Variants in WDPCP observed in about 807,000 individuals in gnomAD.
The protein encoded by WDPCP is WD repeat containing planar cell polarity effector, also known as WD repeat-containing and planar cell polarity effector protein fritz homolog.
A neutral mutation model predicts 93.1 loss-of-function variants in WDPCP; 71 were observed. That is an observed-to-expected ratio of 0.76 (90% CI 0.63 to 0.93). The LOEUF (loss-of-function observed/expected upper bound fraction) is 0.93, where lower values mean the gene tolerates loss of function less well. WDPCP is among the 40% of genes least tolerant of loss of function. The pLI, the probability that WDPCP is intolerant of heterozygous loss-of-function variation, is 0.00. For missense variants in WDPCP, 844 were observed against 887.4 expected (o/e 0.95, Z 0.62); for synonymous variants, 315 against 315.0 (o/e 1.00, Z 0.00).
chr2:63,487,542 A>G, intron 2 of WDPCP, 48 bp from the exon 3 acceptor site: 1 of 1,409,388 alleles, frequency 7.1e-7, no homozygotes, highest in East Asian at 2.3e-5. Context: ...AAAGTCCCAG[A>G]GAATAAGAAG....
At chr2:63,459,168 T>C (rs148529488) in intron 6 of WDPCP, among the ~76,000 whole-genome samples, 263 of 152,280 alleles carry the variant, frequency 1.7e-3, no homozygotes, top group Middle Eastern at 6.8e-3. Context: ...AAAGATTTTA[T>C]GGCTAAGACC....
chr2:63,365,485 C>T (rs1690830468), intron 12 of WDPCP, among the ~76,000 whole-genome samples: 1 of 152,090 alleles, frequency 6.6e-6, no homozygotes, highest in African/African-American at 2.4e-5. Context: ...AAAGTGAGAA[C>T]TACAAAAAAA....
chr2:63,192,762 T>C (rs1035272892), intron 14 of WDPCP, among the ~76,000 whole-genome samples: 4 of 152,260 alleles, frequency 2.6e-5, no homozygotes, highest in African/African-American at 9.6e-5. Flanking sequence ...ACTGTTTCTC[T>C]GGTGATCTTA....
At chr2:63,190,131 T>C (rs974995001) in intron 14 of WDPCP, among the ~76,000 whole-genome samples, 2 of 151,782 alleles carry the variant, frequency 1.3e-5, no homozygotes, top group African/African-American at 4.8e-5. Context: ...AGTGACAACA[T>C]AGAAGTAGAG....
chr2:63,380,204 C>T (rs983154464), intron 11 of WDPCP, among the ~76,000 whole-genome samples: 4 of 151,678 alleles, frequency 2.6e-5, no homozygotes, highest in African/African-American at 9.7e-5. Context: ...CATAAGCATT[C>T]TTTAGGGACC....
At chr2:63,308,708 ACAGGGAGG>A (rs1451388856) in intron 13 of WDPCP, among the ~76,000 whole-genome samples, 3 of 152,154 alleles carry the variant, frequency 2.0e-5, no homozygotes, top group Non-Finnish European at 4.4e-5. Flanking sequence ...ACACATGGAC[ACAGGGAGG>A]GGAACATCAC....
chr2:63,366,007 G>A (rs1690873440), intron 12 of WDPCP, among the ~76,000 whole-genome samples: 1 of 152,120 alleles, frequency 6.6e-6, no homozygotes, highest in South Asian at 2.1e-4. Flanking sequence ...ACTGAGACTT[G>A]ACTTGTCTAC....
chr2:63,484,979 A>G lies in WDPCP; in HGVS notation c.262T>C (p.Tyr88His). Residue 88 changes from tyrosine to histidine, a missense_variant, in exon 5 of 18, where the codon TAT becomes CAT. Coordinates refer to ENST00000272321, the MANE Select transcript of WDPCP (RefSeq NM_015910.7). The stretch of plus-strand genomic sequence containing the variant: ...CGTCTGTTTTTGAGCGTCCAAGGAT[A>G]ATCTCGTGCTGGCAAATAAAACATG... ...KKQKLAESRD[Y>H]PWTLKNRRPE... The G allele has an allele frequency of 3.1e-6, 5 of 1,612,562 alleles. No individual in the cohort carries two copies. The highest frequency in any genetic ancestry group is 1.3e-5 in the African/African-American group (1 of 74,962).
At position 63,628,370 on chromosome 2, in the gene WDPCP, C is replaced by CT. The variant is rs1247429120; in HGVS notation, n.488+22288dup. On this transcript the variant is annotated intron_variant and non_coding_transcript_variant, in intron 3 of 4. Coordinates refer to the WDPCP transcript ENST00000467687. ...CTCAGTGAGAGAGAATAGATATCAT[C>CT]TTTTTTGTATAATATCAAATATAAT... 2.6e-5 allele frequency among the ~76,000 whole-genome samples: 4 copies of CT among 152,168 alleles called. No homozygotes were observed. In the East Asian group the frequency reaches 5.8e-4, roughly 22 times the overall value.
At chr2:63,794,911 G>C (rs894081439) in intron 2 of WDPCP, among the ~76,000 whole-genome samples, 6 of 152,244 alleles carry the variant, frequency 3.9e-5, no homozygotes, top group African/African-American at 1.4e-4. Context: ...TTTATTCATA[G>C]CTTCTCCCAC....
At chr2:63,575,388 C>G (rs554059058) in intron 1 of WDPCP, among the ~76,000 whole-genome samples, 4 of 110,354 alleles carry the variant, frequency 3.6e-5, no homozygotes, top group Non-Finnish European at 3.7e-5. Flanking sequence ...AGTATATACA[C>G]GGTATATACA....
At chr2:63,469,259 T>G (rs983165205) in intron 6 of WDPCP, among the ~76,000 whole-genome samples, 1 of 152,216 alleles carries the variant, frequency 6.6e-6, no homozygotes, top group African/African-American at 2.4e-5. Context: ...GGGTGTAAAT[T>G]AGTTCAACCA....
intron 12 of WDPCP, among the ~76,000 whole-genome samples, chr2:63,316,929 T>G (rs1360109146): frequency 2.0e-5 from 3 of 152,050 alleles, no homozygotes; most frequent in African/African-American, 7.2e-5. Context: ...AAATCAAGAA[T>G]GCAATTCCAT....
intron 17 of WDPCP, among the ~76,000 whole-genome samples, chr2:63,143,447 G>C (rs183408475): frequency 2.2e-4 from 34 of 152,070 alleles, no homozygotes; most frequent in Admixed American, 2.2e-3. Context: ...ATGAGGTACC[G>C]TTGCATTCAT....
At chr2:63,232,948 G>A in intron 14 of WDPCP, 1 of 184,542 alleles carries the variant, frequency 5.4e-6, no homozygotes, top group South Asian at 1.2e-4. Context: ...GGAGAAGGAA[G>A]CAAGGAGGAA....
chr2:63,703,908 G>A (rs13001410), intron 2 of WDPCP, among the ~76,000 whole-genome samples: 2 of 152,068 alleles, frequency 1.3e-5, no homozygotes, highest in Admixed American at 6.5e-5. Context: ...CCATTTTCAC[G>A]ATATTGATTC....
chr2:63,373,988 G>GAATT (rs1308437418), intron 12 of WDPCP, among the ~76,000 whole-genome samples: 3 of 150,466 alleles, frequency 2.0e-5, no homozygotes, highest in African/African-American at 7.3e-5. Context: ...TTAACCCCCT[G>GAATT]AATTAGACAT....
chr2:63,467,207 C>T (rs892982485), intron 6 of WDPCP, among the ~76,000 whole-genome samples: 1 of 152,138 alleles, frequency 6.6e-6, no homozygotes, highest in Non-Finnish European at 1.5e-5. Flanking sequence ...CAAGGTCCAG[C>T]GGTGGCTCAC....
At chr2:63,646,968 T>A (rs1051033808) in intron 3 of WDPCP, among the ~76,000 whole-genome samples, 3 of 152,184 alleles carry the variant, frequency 2.0e-5, no homozygotes, top group African/African-American at 4.8e-5. Flanking sequence ...TGGGAACTTC[T>A]CTTATTATAC....
Sources: gnomAD v4.1 joint callset for allele counts (sites outside exome capture counted in the v4.1 genomes callset) on GRCh38, gnomAD v4.1.1 for gene constraint, MANE v1.5 for transcripts, NCBI Gene and HGNC (gene_info 2026-07-23, HGNC 2026-07-21) for gene names.